LINGO1: variants seen among roughly 807,000 people sequenced by gnomAD.
The protein encoded by LINGO1 is leucine rich repeat and Ig domain containing 1, also known as leucine-rich repeat and immunoglobulin-like domain-containing nogo receptor-interacting protein 1.
Under a neutral mutation model 37.3 loss-of-function variants are expected in LINGO1, and 11 were observed. The ratio of observed to expected loss-of-function variants is 0.29; its 90% CI spans 0.19 to 0.49. LINGO1 has a LOEUF of 0.49. Ranked by LOEUF, LINGO1 falls within the 20% of genes least tolerant of loss-of-function variation. The pLI is 0.99. For synonymous variants in LINGO1, 387 were observed against 403.0 expected (o/e 0.96, Z 0.48); for missense variants, 585 against 878.2 (o/e 0.67, Z 4.22).
upstream of LINGO1, among the ~76,000 whole-genome samples, chr15:77,633,239 G>C (rs1307292365): frequency 2.0e-5 from 3 of 151,932 alleles, no homozygotes; most frequent in Non-Finnish European, 4.4e-5. Flanking sequence ...AGTCCGGCGT[G>C]CGGTCCTCCC....
chr15:77,810,658 C>T (rs367773028), intron 1 of LINGO1, among the ~76,000 whole-genome samples: 1 of 152,206 alleles, frequency 6.6e-6, no homozygotes, highest in East Asian at 1.9e-4. Context: ...CTATCTGGAA[C>T]CTAGAGGAGG....
intron 2 of LINGO1, among the ~76,000 whole-genome samples, chr15:77,725,549 C>G (rs971919166): frequency 2.0e-5 from 3 of 152,178 alleles, no homozygotes; most frequent in African/African-American, 4.8e-5. Flanking sequence ...GACAACAGAG[C>G]AAGACCCTGT....
At chr15:77,629,054 T>C (rs2074177174) in intron 1 of LINGO1, among the ~76,000 whole-genome samples, 1 of 152,232 alleles carries the variant, frequency 6.6e-6, no homozygotes, top group African/African-American at 2.4e-5. Context: ...GTGGATACTA[T>C]TGTTACTCTC....
intron 3 of LINGO1, among the ~76,000 whole-genome samples, chr15:77,659,057 C>T (rs911939702): frequency 6.6e-6 from 1 of 152,142 alleles, no homozygotes; most frequent in South Asian, 2.1e-4. Flanking sequence ...GGGGCAAGGG[C>T]AGTGGCTTGG....
intron 3 of LINGO1, among the ~76,000 whole-genome samples, chr15:77,643,846 G>A (rs1033418976): frequency 2.0e-5 from 3 of 152,218 alleles, no homozygotes; most frequent in Non-Finnish European, 4.4e-5. Flanking sequence ...AAGGGCAGGG[G>A]GTGACAGCTG....
chr15:77,807,821 G>C (rs1390060443), intron 1 of LINGO1, among the ~76,000 whole-genome samples: 1 of 152,074 alleles, frequency 6.6e-6, no homozygotes, highest in Non-Finnish European at 1.5e-5. Context: ...GCGAGCGCCC[G>C]GCACGGAATT....
chr15:77,813,085 A>G (rs908387328), intron 1 of LINGO1, among the ~76,000 whole-genome samples: 3 of 152,246 alleles, frequency 2.0e-5, no homozygotes, highest in African/African-American at 7.2e-5. Context: ...AGGTGCTCCC[A>G]AGTCAAAACA....
At chr15:77,783,739 G>GA (rs2076744063) in intron 1 of LINGO1, among the ~76,000 whole-genome samples, 1 of 151,954 alleles carries the variant, frequency 6.6e-6, no homozygotes, top group Non-Finnish European at 1.5e-5. Context: ...AGAAGCTGGA[G>GA]AGATTGTGGG....
At chr15:77,755,675 C>T (rs2076412146) in intron 1 of LINGO1, among the ~76,000 whole-genome samples, 1 of 152,168 alleles carries the variant, frequency 6.6e-6, no homozygotes, top group South Asian at 2.1e-4. Context: ...AGGAAAACTC[C>T]ATAACCGGAC....
chr15:77,791,774 C>T (rs2076820328), upstream of LINGO1, among the ~76,000 whole-genome samples: 1 of 152,116 alleles, frequency 6.6e-6, no homozygotes, highest in Non-Finnish European at 1.5e-5. Context: ...ACACTTCCTG[C>T]TGACAGCAGC....
chr15:77,769,391 A>C (rs1323302017), intron 1 of LINGO1, among the ~76,000 whole-genome samples: 1 of 152,032 alleles, frequency 6.6e-6, no homozygotes, highest in Non-Finnish European at 1.5e-5. Context: ...GTCCCCCCCC[A>C]GCCTCCCCTG....
chr15:77,783,861 G>A (rs2076745932), intron 1 of LINGO1, among the ~76,000 whole-genome samples: 1 of 152,232 alleles, frequency 6.6e-6, no homozygotes, highest in South Asian at 2.1e-4. Flanking sequence ...CTCCAGCCGG[G>A]AGTGGGAGGT....
chr15:77,808,377 G>T (rs1405462560), intron 1 of LINGO1, among the ~76,000 whole-genome samples: 4 of 152,164 alleles, frequency 2.6e-5, no homozygotes, highest in Non-Finnish European at 5.9e-5. Flanking sequence ...CGGGGCAAAG[G>T]CCTTGAGAGG....
intron 1 of LINGO1, among the ~76,000 whole-genome samples, chr15:77,776,464 G>GTCAGGAAA (rs2076643062): frequency 9.0e-6 from 1 of 111,512 alleles, no homozygotes; most frequent in African/African-American, 3.5e-5. Context: ...AAGGCAGGAA[G>GTCAGGAAA]GCAGGAAGGC....
chr15:77,780,941 C>T (rs1221977663), intron 1 of LINGO1, among the ~76,000 whole-genome samples: 2 of 152,194 alleles, frequency 1.3e-5, no homozygotes, highest in East Asian at 3.9e-4. Context: ...GCTATTGTCA[C>T]AGCCCGCATG....
intron 3 of LINGO1, among the ~76,000 whole-genome samples, chr15:77,647,075 G>A (rs1442319822): frequency 3.3e-5 from 5 of 151,970 alleles, no homozygotes; most frequent in Non-Finnish European, 4.4e-5. Flanking sequence ...ATGGAGGTGC[G>A]GGAGGGCTCG....
chr15:77,775,987 C>G (rs2076634008), intron 1 of LINGO1, among the ~76,000 whole-genome samples: 2 of 152,270 alleles, frequency 1.3e-5, no homozygotes, highest in African/African-American at 4.8e-5. Flanking sequence ...ACAGCCCATC[C>G]ATCCCTCTCA....
intron 1 of LINGO1, among the ~76,000 whole-genome samples, chr15:77,769,658 GC>G (rs1417070915): frequency 1.3e-5 from 2 of 152,202 alleles, no homozygotes; most frequent in African/African-American, 2.4e-5. Flanking sequence ...AAGCACCTCA[GC>G]CCCCACCCAC....
rs577310884 is a variant in LINGO1, at chr15:77,663,055, G to C, written c.-13+14034C>G. 5.3e-5 allele frequency among the ~76,000 whole-genome samples: 8 copies of C among 152,352 alleles called. No homozygotes were observed. The South Asian group carries it at 1.7e-3, about 32-fold the overall frequency. On this transcript the variant is annotated intron_variant, in intron 3 of 3. Transcript: ENST00000559893. ...AACCTGACAGGCTTTTTGAGGATCA[G>C]CCTCACCTCCATAGACATCCAGTCC...
Sources: gnomAD v4.1 joint callset for allele counts (sites outside exome capture counted in the v4.1 genomes callset) on GRCh38, gnomAD v4.1.1 for gene constraint, MANE v1.5 for transcripts, NCBI Gene and HGNC (gene_info 2026-07-23, HGNC 2026-07-21) for gene names.